SIDT1: variants seen among roughly 807,000 people sequenced by gnomAD.
SIDT1 encodes the protein SID1 transmembrane family, member 1.
Under a neutral mutation model 107.5 loss-of-function variants are expected in SIDT1, and 101 were observed. That is an observed-to-expected ratio of 0.94 (90% CI 0.80 to 1.11). SIDT1 has a LOEUF of 1.11. Among genes scored for constraint, SIDT1 ranks in the 50% least tolerant of loss-of-function variants. The pLI, the probability that SIDT1 is intolerant of heterozygous loss-of-function variation, is 0.00. For synonymous variants in SIDT1, 395 were observed against 398.2 expected (o/e 0.99, Z 0.10); for missense variants, 1,076 against 1,058.2 (o/e 1.02, Z -0.23).
intron 1 of SIDT1, among the ~76,000 whole-genome samples, chr3:113,552,393 G>T (rs11922598): frequency 0.12 from 18,752 of 152,114 alleles, 1,739 homozygotes; most frequent in African/African-American, 0.26. Context: ...ACTCTAAAAT[G>T]GCTGTGAGGT....
intron 9 of SIDT1, chr3:113,589,879 A>G (rs1944019245): frequency 6.5e-6 from 1 of 153,008 alleles, no homozygotes. Flanking sequence ...ATAAAAATTT[A>G]GTGATCATCT....
chr3:113,583,762 A>G (rs1943541307), intron 7 of SIDT1, among the ~76,000 whole-genome samples: 1 of 152,190 alleles, frequency 6.6e-6, no homozygotes, highest in Non-Finnish European at 1.5e-5. Flanking sequence ...AGATAAGTTC[A>G]CTCGGTTGGC....
intron 20 of SIDT1, among the ~76,000 whole-genome samples, chr3:113,617,867 C>G (rs533194618): frequency 9.2e-5 from 14 of 152,184 alleles, no homozygotes; most frequent in Admixed American, 2.0e-4. Flanking sequence ...CAGCCTCCCC[C>G]ACTATTGACA....
At chr3:113,581,824 G>T in intron 6 of SIDT1, 1 of 210,124 alleles carries the variant, frequency 4.8e-6, no homozygotes, top group Non-Finnish European at 9.7e-6. Context: ...AGTGAGCCAA[G>T]AGCACAGCAC....
chr3:113,539,514 C>CCTTT (rs1232086342), intron 1 of SIDT1, among the ~76,000 whole-genome samples: 8 of 106,078 alleles, frequency 7.5e-5, no homozygotes, highest in African/African-American at 4.8e-4. Context: ...GGATTGGTAA[C>CCTTT]ATTTTCTAAG....
intron 23 of SIDT1, among the ~76,000 whole-genome samples, chr3:113,625,416 G>A (rs945782968): frequency 1.3e-5 from 2 of 152,128 alleles, no homozygotes; most frequent in African/African-American, 4.8e-5. Flanking sequence ...TGGGATTACA[G>A]GTGTGAGCCA....
intron 1 of SIDT1, among the ~76,000 whole-genome samples, chr3:113,555,312 G>T (rs1357016698): frequency 1.3e-5 from 2 of 152,160 alleles, no homozygotes; most frequent in Non-Finnish European, 2.9e-5. Context: ...CAATATAATG[G>T]CTTGCTCATT....
chr3:113,603,927 A>C (rs1374717363), intron 12 of SIDT1, 33 bp from the exon 13 acceptor site: 22 of 1,487,398 alleles, frequency 1.5e-5, no homozygotes, highest in Non-Finnish European at 2.1e-5. Flanking sequence ...AGCTGAGTAC[A>C]GTTTTGCATT....
chr3:113,608,307 A>G, intron 16 of SIDT1, 90 bp downstream of exon 16: 3 of 1,544,068 alleles, frequency 1.9e-6, no homozygotes, highest in Non-Finnish European at 2.6e-6. Flanking sequence ...TGGTGTGATG[A>G]TTTATTATGT....
intron 3 of SIDT1, 63 bp downstream of exon 3, chr3:113,567,773 CT>C (rs1942057823): frequency 1.3e-6 from 2 of 1,510,386 alleles, no homozygotes; most frequent in Admixed American, 3.6e-5. Context: ...CTCAATTCAT[CT>C]TCCATCCTTA....
chr3:113,581,223 G>A (rs1214689272), intron 5 of SIDT1, 138 bp from the exon 6 acceptor site: 14 of 689,186 alleles, frequency 2.0e-5, no homozygotes, highest in Non-Finnish European at 3.3e-5. Context: ...GTTCAAGGGG[G>A]GAAATTGCCT....
intron 24 of SIDT1, 119 bp downstream of exon 24, chr3:113,626,334 C>G: frequency 1.5e-6 from 1 of 650,926 alleles, no homozygotes; most frequent in Non-Finnish European, 2.6e-6. Flanking sequence ...TCCATTTCCT[C>G]CTTGTAATTC....
At chr3:113,622,319 C>A (rs764479742) in intron 21 of SIDT1, among the ~76,000 whole-genome samples, 1 of 151,820 alleles carries the variant, frequency 6.6e-6, no homozygotes, top group Non-Finnish European at 1.5e-5. Flanking sequence ...AAAAAATTAG[C>A]TGGGCGTGGT....
intron 9 of SIDT1, 177 bp from the exon 10 acceptor site, chr3:113,592,828 C>A: frequency 3.5e-6 from 2 of 577,120 alleles, no homozygotes; most frequent in South Asian, 3.7e-5. Flanking sequence ...CTTTGTGATC[C>A]GCCTGCCTTG....
At position 113,615,968 on chromosome 3, in the gene SIDT1, G is replaced by A. The variant is rs543388757; in HGVS notation, c.1967-132G>A. On this transcript the variant is annotated intron_variant, in intron 19 of 24. Coordinates refer to ENST00000264852, the MANE Select transcript of SIDT1 (RefSeq NM_017699.3). ...GCAAATACTTATTGCGCACCTATTA[G>A]GTGCAAAGCATTCTAATGCATTTTA... The A allele has an allele frequency of 1.9e-5, 14 of 735,844 alleles. No homozygotes were observed. The Admixed American group carries it at 2.6e-4, about 14-fold the overall frequency. 45.6% of individuals were successfully genotyped at this position (735,844 alleles called of 1,614,324 possible).
At chr3:113,620,814 G>A (rs193040249) in intron 21 of SIDT1, among the ~76,000 whole-genome samples, 1 of 152,128 alleles carries the variant, frequency 6.6e-6, no homozygotes, top group Non-Finnish European at 1.5e-5. Flanking sequence ...AGGAGAAAAG[G>A]GACCAACCTC....
intron 1 of SIDT1, among the ~76,000 whole-genome samples, chr3:113,547,820 C>T (rs949733491): frequency 6.6e-6 from 1 of 152,046 alleles, no homozygotes; most frequent in Non-Finnish European, 1.5e-5. Flanking sequence ...TGGACCTAGC[C>T]TTCTACAGTT....
rs567747632 is a variant in SIDT1 at position 113,534,071 on chromosome 3, G to A, written c.222+828G>A. Among the ~76,000 whole-genome samples the A allele has an allele frequency of 4.6e-5, 7 of 152,214 alleles. 1 individual carries two copies. The East Asian group carries it at 1.4e-3, about 29-fold the overall frequency. Reference sequence around the variant, plus strand: ...GGAGCACTGGGCGGGGAGAGAGAGGGAGACAGAGAGAGAAAGAGAGAAAGA... The same window carrying A: ...GGAGCACTGGGCGGGGAGAGAGAGGAAGACAGAGAGAGAAAGAGAGAAAGA... On this transcript the variant is annotated intron_variant, in intron 1 of 24. Transcript: ENST00000264852.
downstream of SIDT1, chr3:113,629,663 A>G (rs1947063856): frequency 6.6e-6 from 1 of 152,266 alleles, no homozygotes; most frequent in Non-Finnish European, 1.5e-5. Flanking sequence ...TGAACAACAA[A>G]GTCCATTCAA....
Sources: allele counts gnomAD v4.1 joint callset (sites outside exome capture counted in the v4.1 genomes callset), GRCh38; gene constraint gnomAD v4.1.1; transcripts MANE v1.5; gene names NCBI Gene and HGNC (gene_info 2026-07-23, HGNC 2026-07-21).